Variants in UCK2 observed in about 807,000 individuals in gnomAD.
The protein encoded by UCK2 is cytidine monophosphokinase 2.
In UCK2, 6 loss-of-function variants were observed where a neutral mutation model predicts 30.8. The observed-to-expected ratio is 0.19, with a 90% CI of 0.11 to 0.38. UCK2 has a LOEUF of 0.38. UCK2 is among the 10% of genes least tolerant of loss of function. UCK2 has a pLI of 1.00. For missense variants in UCK2, 210 were observed against 339.8 expected (o/e 0.62, Z 3.00); for synonymous variants, 125 against 133.6 (o/e 0.94, Z 0.45).
intron 1 of UCK2, among the ~76,000 whole-genome samples, chr1:165,855,988 C>G (rs1654734314): frequency 6.6e-6 from 1 of 151,950 alleles, no homozygotes; most frequent in African/African-American, 2.4e-5. Context: ...TCTGTGCTGT[C>G]TATAGCATCT....
intron 1 of UCK2, among the ~76,000 whole-genome samples, chr1:165,832,785 G>A (rs1329694448): frequency 6.6e-6 from 1 of 151,982 alleles, no homozygotes; most frequent in Non-Finnish European, 1.5e-5. Flanking sequence ...GTGGAGACGG[G>A]GTTTCACTGT....
chr1:165,876,149 C>T (rs751006738), intron 1 of UCK2, among the ~76,000 whole-genome samples: 1 of 152,142 alleles, frequency 6.6e-6, no homozygotes, highest in African/African-American at 2.4e-5. Flanking sequence ...TAGTTTTCAT[C>T]CTCTTGCTTT....
At position 165,836,800 on chromosome 1, in the gene UCK2, T is replaced by A. The variant is rs115056295; in HGVS notation, c.99+8868T>A. Among the ~76,000 whole-genome samples, 929 of 152,328 alleles carry A rather than the reference T, an allele frequency of 6.1e-3. 3 individuals are homozygous for A. The highest frequency in any genetic ancestry group is 0.021 in the African/African-American group (866 of 41,570). On this transcript the variant is annotated intron_variant, in intron 1 of 6. Transcript: ENST00000367879. ...TTGAAGACAACTGATTTAGGTAGCTTGGTGTCTTAGTCTGTTTTGTACTGC... is the reference window on the plus strand; with the variant it reads ...TTGAAGACAACTGATTTAGGTAGCTAGGTGTCTTAGTCTGTTTTGTACTGC...
chr1:165,901,965 A>AT (rs61514166), intron 4 of UCK2, among the ~76,000 whole-genome samples: 5 of 149,756 alleles, frequency 3.3e-5, no homozygotes, highest in African/African-American at 1.2e-4. Context: ...AAAAAAAAAA[A>AT]GGCTCACACC....
In UCK2 at chr1:165,895,692, C is replaced by T. The variant is rs1056901679; in HGVS notation, c.357-498C>T. On this transcript the variant is annotated intron_variant, in intron 3 of 6. Transcript: ENST00000367879. ...TTCTTTATTTTCCCTCCTTCCCTTC[C>T]CCTTCTGTCCTTTCCTCCCTCCTTT... The T allele has an allele frequency of 9.2e-6, 9 of 974,792 alleles. No individual in the cohort carries two copies. In the Admixed American group the frequency reaches 2.5e-4, roughly 27 times the overall value. 60.4% of individuals were successfully genotyped at this position (974,792 alleles called of 1,614,324 possible).
At chr1:165,874,038 C>T (rs576597350) in intron 1 of UCK2, among the ~76,000 whole-genome samples, 2 of 152,292 alleles carry the variant, frequency 1.3e-5, no homozygotes, top group East Asian at 3.9e-4. Flanking sequence ...TTATCATTAC[C>T]AGTAATTGCA....
intron 4 of UCK2, 156 bp from the exon 5 acceptor site, chr1:165,903,026 C>T (rs889025319): frequency 3.7e-6 from 2 of 546,904 alleles, no homozygotes; most frequent in Non-Finnish European, 6.5e-6. Flanking sequence ...TCCGAAGCCG[C>T]TGCTGATCTG....
intron 4 of UCK2, among the ~76,000 whole-genome samples, chr1:165,898,569 G>A (rs1647351473): frequency 6.6e-6 from 1 of 152,244 alleles, no homozygotes; most frequent in African/African-American, 2.4e-5. Flanking sequence ...GTGGTACTCA[G>A]TCTCAGGGAT....
Position 165,896,213 on chromosome 1 carries a change from A to T in UCK2, c.380A>T (p.Tyr127Phe). ...HSRKEETVTV[Y>F]PADVVLFEGI... The stretch of plus-strand genomic sequence containing the variant: ...AGGAAGGAGGAGACAGTTACTGTCT[A>T]TCCCGCAGACGTGGTGCTCTTTGAA... Residue 127 changes from tyrosine to phenylalanine, a missense_variant, in exon 4 of 7, where the codon TAT (tyrosine) becomes TTT (phenylalanine). By Grantham distance (22) the Tyr-to-Phe change is conservative. This residue lies in a region of UCK2 where 75 missense variants were observed against 124.7 expected (regional missense o/e 0.60). Coordinates refer to ENST00000367879, the MANE Select transcript of UCK2 (RefSeq NM_012474.5). 6.2e-7 allele frequency: 1 copy of T among 1,614,166 alleles called. No homozygotes were observed. The highest frequency in any genetic ancestry group is 1.7e-4 in the Middle Eastern group (1 of 6,046).
intron 1 of UCK2, among the ~76,000 whole-genome samples, chr1:165,833,031 G>A (rs1378029232): frequency 6.6e-6 from 1 of 152,140 alleles, no homozygotes; most frequent in Non-Finnish European, 1.5e-5. Context: ...GGTGTGGACT[G>A]CCACCTCAGT....
At chr1:165,887,269 C>G (rs966411869) in intron 1 of UCK2, among the ~76,000 whole-genome samples, 1 of 152,112 alleles carries the variant, frequency 6.6e-6, no homozygotes, top group African/African-American at 2.4e-5. Context: ...CTGAAACATG[C>G]AGCGGGGGAT....
chr1:165,830,317 T>C (rs888329980), intron 1 of UCK2, among the ~76,000 whole-genome samples: 6 of 121,458 alleles, frequency 4.9e-5, no homozygotes, highest in Non-Finnish European at 8.1e-5. Context: ...TTTTAATCTT[T>C]ATTTTTTTTA....
chr1:165,888,642 C>CTTTTTTTTTT (rs60874109), intron 1 of UCK2, among the ~76,000 whole-genome samples: 51 of 71,018 alleles, frequency 7.2e-4, no homozygotes, highest in Non-Finnish European at 8.1e-4. Context: ...CTTTCTTCTT[C>CTTTTTTTTTT]TTTTTTTTTT....
intron 1 of UCK2, among the ~76,000 whole-genome samples, chr1:165,887,657 T>C (rs978244896): frequency 2.6e-5 from 4 of 152,168 alleles, no homozygotes; most frequent in Admixed American, 2.6e-4. Flanking sequence ...TTTATCTTCC[T>C]ACAACCTTAG....
chr1:165,903,879 G>A (rs1647564863), intron 5 of UCK2: 1 of 153,188 alleles, frequency 6.5e-6, no homozygotes, highest in African/African-American at 2.4e-5. Context: ...AGAACACAGA[G>A]AGTTGGCCCT....
At chr1:165,890,079 C>A in intron 1 of UCK2, 125 bp from the exon 2 acceptor site, 1 of 1,052,012 alleles carries the variant, frequency 9.5e-7, no homozygotes, top group East Asian at 2.4e-5. Flanking sequence ...CGATAGCTGC[C>A]TTTGGATTCT....
intron 3 of UCK2, among the ~76,000 whole-genome samples, chr1:165,893,120 G>C (rs1360325726): frequency 6.6e-6 from 1 of 152,206 alleles, no homozygotes; most frequent in East Asian, 1.9e-4. Flanking sequence ...AACAGCCCCA[G>C]TGAGAGTCTG....
At chr1:165,891,481 G>T in intron 3 of UCK2, 159 bp downstream of exon 3, 1 of 641,474 alleles carries the variant, frequency 1.6e-6, no homozygotes, top group South Asian at 1.9e-5. Flanking sequence ...GGTGGCAGCA[G>T]TGTGTGCTGT....
intron 1 of UCK2, among the ~76,000 whole-genome samples, chr1:165,830,723 T>C (rs1419220138): frequency 2.6e-5 from 4 of 152,322 alleles, no homozygotes; most frequent in Middle Eastern, 3.4e-3. Flanking sequence ...TTTAAGATTA[T>C]TGATATTTTT....
Sources: allele counts gnomAD v4.1 joint callset (sites outside exome capture counted in the v4.1 genomes callset), GRCh38; gene constraint gnomAD v4.1.1; regional missense constraint gnomAD v4.1.1; transcripts MANE v1.5; gene names NCBI Gene and HGNC (gene_info 2026-07-23, HGNC 2026-07-21).